P4HA1: variants seen among roughly 807,000 people sequenced by gnomAD.
The protein encoded by P4HA1 is prolyl 4-hydroxylase subunit alpha 1, also known as prolyl 4-hydroxylase subunit alpha-1.
A neutral mutation model predicts 72.8 loss-of-function variants in P4HA1; 24 were observed. The ratio of observed to expected loss-of-function variants is 0.33; its 90% confidence interval spans 0.24 to 0.46. P4HA1 has a LOEUF of 0.46. Among genes scored for constraint, P4HA1 ranks in the 20% least tolerant of loss-of-function variants. The pLI is 1.00. For missense variants in P4HA1, 446 were observed against 640.6 expected (o/e 0.70, Z 3.28); for synonymous variants, 201 against 218.8 (o/e 0.92, Z 0.72).
intron 5 of P4HA1, among the ~76,000 whole-genome samples, chr10:73,064,905 A>G (rs1339097499): frequency 6.6e-6 from 1 of 152,196 alleles, no homozygotes; most frequent in Non-Finnish European, 1.5e-5. Context: ...CATCCGTTAA[A>G]CTGAGAGAGA....
intron 1 of P4HA1, among the ~76,000 whole-genome samples, chr10:73,092,937 A>C (rs773561701): frequency 6.6e-6 from 1 of 151,776 alleles, no homozygotes; most frequent in Non-Finnish European, 1.5e-5. Context: ...TGGTCAACAG[A>C]GCAAGATCCC....
intron 9 of P4HA1, chr10:73,043,781 C>T (rs1840790561): frequency 1.2e-6 from 1 of 834,978 alleles, no homozygotes; most frequent in Non-Finnish European, 2.0e-6. Context: ...ACATCTATGC[C>T]TAACCACCTA....
intron 7 of P4HA1, among the ~76,000 whole-genome samples, chr10:73,048,233 A>G (rs1181321810): frequency 6.6e-6 from 1 of 152,180 alleles, no homozygotes. Context: ...TAATGATGAG[A>G]TGAATGTAGC....
At chr10:73,034,046 C>CA (rs375509572) in intron 9 of P4HA1, among the ~76,000 whole-genome samples, 7 of 151,970 alleles carry the variant, frequency 4.6e-5, no homozygotes. Context: ...CCTGTCTCCA[C>CA]AAAAAAAGTT....
chr10:73,095,042 T>C (rs1269958566), intron 1 of P4HA1, among the ~76,000 whole-genome samples: 1 of 152,158 alleles, frequency 6.6e-6, no homozygotes, highest in East Asian at 1.9e-4. Flanking sequence ...AGTTAGTCTA[T>C]GTAAATCTAA....
intron 1 of P4HA1, among the ~76,000 whole-genome samples, chr10:73,093,721 T>C (rs553439310): frequency 1.3e-5 from 2 of 149,708 alleles, no homozygotes; most frequent in Admixed American, 1.3e-4. Context: ...TGGGCGGCTG[T>C]AGTCCCAGCT....
At chr10:73,058,022 C>T (rs546475912) in intron 5 of P4HA1, among the ~76,000 whole-genome samples, 1 of 131,190 alleles carries the variant, frequency 7.6e-6, no homozygotes, top group Non-Finnish European at 1.5e-5. Context: ...ACCCGGGAAG[C>T]GAGGTTGCAG....
intron 10 of P4HA1, among the ~76,000 whole-genome samples, chr10:73,027,707 G>C (rs1840315521): frequency 6.9e-6 from 1 of 144,006 alleles, no homozygotes; most frequent in South Asian, 2.4e-4. Flanking sequence ...GGGAGGAAGA[G>C]AGAGAAGAAA....
chr10:73,036,652 C>G (rs1346770423), intron 9 of P4HA1, among the ~76,000 whole-genome samples: 2 of 152,124 alleles, frequency 1.3e-5, no homozygotes, highest in African/African-American at 4.8e-5. Context: ...CCTGCCTTGA[C>G]CTCCCAAAGT....
intron 9 of P4HA1, among the ~76,000 whole-genome samples, chr10:73,032,274 T>G (rs983463764): frequency 2.0e-5 from 3 of 152,204 alleles, no homozygotes; most frequent in African/African-American, 4.8e-5. Context: ...CAAGCTAACT[T>G]TGTCAGATTC....
At chr10:73,087,711 A>G (rs1404428464) in intron 1 of P4HA1, among the ~76,000 whole-genome samples, 3 of 151,410 alleles carry the variant, frequency 2.0e-5, no homozygotes, top group African/African-American at 7.3e-5. Flanking sequence ...GCTGGTCTCA[A>G]ACTCCTGGAT....
chr10:73,029,100 C>T (rs1002706706), intron 10 of P4HA1, among the ~76,000 whole-genome samples: 3 of 151,718 alleles, frequency 2.0e-5, no homozygotes, highest in Non-Finnish European at 4.4e-5. Flanking sequence ...TGCATATTGA[C>T]TGCATCTGTC....
At chr10:73,088,051 T>C (rs79957003) in intron 1 of P4HA1, among the ~76,000 whole-genome samples, 7,331 of 152,254 alleles carry the variant, frequency 0.048, 557 homozygotes, top group African/African-American at 0.16. Flanking sequence ...TACATTTTAC[T>C]TCACAATCTA....
chr10:73,085,128 G>A (rs1841899683), intron 1 of P4HA1, among the ~76,000 whole-genome samples: 1 of 151,126 alleles, frequency 6.6e-6, no homozygotes, highest in East Asian at 2.0e-4. Context: ...GTGACAGAGT[G>A]AGTCCATCTC....
At chr10:73,089,027 T>C (rs1255787100) in intron 1 of P4HA1, among the ~76,000 whole-genome samples, 1 of 152,226 alleles carries the variant, frequency 6.6e-6, no homozygotes, top group Non-Finnish European at 1.5e-5. Context: ...CTATAAGAAA[T>C]CCTCTGAGAT....
At chr10:73,027,360 ACAC>A (rs1353058002) in intron 10 of P4HA1, among the ~76,000 whole-genome samples, 1 of 150,992 alleles carries the variant, frequency 6.6e-6, no homozygotes, top group Non-Finnish European at 1.5e-5. Context: ...AGAAAACCAA[ACAC>A]CACATGTTCT....
Position 73,072,143 on chromosome 10 carries a change from T to C in P4HA1, c.211A>G (p.Thr71Ala), listed in dbSNP as rs374803195. 1.9e-6 allele frequency: 3 copies of C among 1,613,652 alleles called. No individual in the cohort carries two copies. The highest frequency in any genetic ancestry group is 2.5e-6 in the Non-Finnish European group (3 of 1,179,666). The part of the protein sequence containing the change: ...EKLDRLTSTA[T>A]KDPEGFVGHP... Reference sequence around the variant, plus strand: ...CCAACAAATCCTTCTGGATCTTTTGTCGCTGTACTAGTTAGCCGATCTAAC... The same window carrying C: ...CCAACAAATCCTTCTGGATCTTTTGCCGCTGTACTAGTTAGCCGATCTAAC... Residue 71 changes from threonine (T) to alanine (A), a missense_variant, in exon 4 of 15, where the codon ACA becomes GCA. Physicochemically the swap from Thr to Ala is moderately conservative, Grantham distance 58 (BLOSUM62 0). Transcript: ENST00000394890.
At chr10:73,057,487 C>T (rs2133107032) in intron 5 of P4HA1, among the ~76,000 whole-genome samples, 1 of 151,994 alleles carries the variant, frequency 6.6e-6, no homozygotes, top group East Asian at 1.9e-4. Context: ...GAGACTCCAT[C>T]TCTTAAAAAA....
intron 1 of P4HA1, among the ~76,000 whole-genome samples, chr10:73,095,103 T>C: frequency 6.6e-6 from 1 of 152,054 alleles, no homozygotes; most frequent in East Asian, 1.9e-4. Flanking sequence ...TAAGGCACAA[T>C]GTCCCAAAAC....
Sources: gnomAD v4.1 joint callset for allele counts (sites outside exome capture counted in the v4.1 genomes callset) on GRCh38, gnomAD v4.1.1 for gene constraint, MANE v1.5 for transcripts, NCBI Gene and HGNC (gene_info 2026-07-23, HGNC 2026-07-21) for gene names.